Variants in CFDP1 observed in about 807,000 individuals in gnomAD.
CFDP1 encodes the protein chromatin remodeling protein CFDP1.
A neutral mutation model predicts 40.1 loss-of-function variants in CFDP1; 31 were observed. The observed-to-expected ratio is 0.77, with a 90% CI of 0.58 to 1.04. The LOEUF (loss-of-function observed/expected upper bound fraction) is 1.04. CFDP1 is among the 50% of genes least tolerant of loss of function. CFDP1 has a pLI of 0.00. For synonymous variants in CFDP1, 167 were observed against 120.0 expected (o/e 1.39, Z -2.56); for missense variants, 423 against 343.4 (o/e 1.23, Z -1.83).
intron 1 of CFDP1, among the ~76,000 whole-genome samples, chr16:75,428,244 T>A (rs2151604947): frequency 6.6e-6 from 1 of 152,126 alleles, no homozygotes; most frequent in South Asian, 2.1e-4. Flanking sequence ...AAACAGTAAA[T>A]TTTATTGTAT....
At chr16:75,330,743 A>G (rs2078439983) in intron 5 of CFDP1, among the ~76,000 whole-genome samples, 1 of 152,212 alleles carries the variant, frequency 6.6e-6, no homozygotes, top group South Asian at 2.1e-4. Context: ...AGCTATGCAG[A>G]ATCATATTTA....
At chr16:75,348,577 C>CT (rs1275732726) in intron 5 of CFDP1, among the ~76,000 whole-genome samples, 1 of 151,732 alleles carries the variant, frequency 6.6e-6, no homozygotes, top group African/African-American at 2.4e-5. Flanking sequence ...TTGTTTTTTT[C>CT]TTTTTTGGCT....
intron 1 of CFDP1, among the ~76,000 whole-genome samples, chr16:75,423,492 G>C (rs912913459): frequency 2.6e-5 from 4 of 151,924 alleles, no homozygotes; most frequent in African/African-American, 9.7e-5. Context: ...GTAGAGACTG[G>C]GTTTCACCAC....
chr16:75,302,645 A>G (rs2078228783), intron 6 of CFDP1, among the ~76,000 whole-genome samples: 1 of 152,238 alleles, frequency 6.6e-6, no homozygotes, highest in Non-Finnish European at 1.5e-5. Flanking sequence ...TGTGTAGCAC[A>G]CGCTGATAGT....
At chr16:75,338,148 C>T (rs886804279) in intron 5 of CFDP1, among the ~76,000 whole-genome samples, 4 of 152,128 alleles carry the variant, frequency 2.6e-5, no homozygotes, top group Non-Finnish European at 5.9e-5. Flanking sequence ...AACTCAATGG[C>T]AAATCCAGGA....
intron 5 of CFDP1, among the ~76,000 whole-genome samples, chr16:75,359,280 G>A (rs1319441090): frequency 1.3e-5 from 2 of 152,080 alleles, no homozygotes; most frequent in African/African-American, 4.8e-5. Context: ...TAATTTTGAA[G>A]AGCGTAAAGA....
At chr16:75,323,433 C>CT (rs398058379) in intron 5 of CFDP1, among the ~76,000 whole-genome samples, 11,662 of 142,098 alleles carry the variant, frequency 0.082, 464 homozygotes, top group Middle Eastern at 0.14. Flanking sequence ...TTTTACTTAA[C>CT]TTTTTTTTTT....
chr16:75,415,888 T>C (rs149443253), intron 1 of CFDP1, among the ~76,000 whole-genome samples: 80 of 152,314 alleles, frequency 5.3e-4, no homozygotes, highest in African/African-American at 1.9e-3. Flanking sequence ...AGTCTTGCTC[T>C]GTCACCCAGG....
chr16:75,359,639 C>T (rs1379356318), intron 5 of CFDP1, among the ~76,000 whole-genome samples: 2 of 152,200 alleles, frequency 1.3e-5, no homozygotes, highest in Non-Finnish European at 2.9e-5. Context: ...ATTGCCCTAA[C>T]CATGATCACC....
chr16:75,315,061 T>C (rs2078315825), intron 5 of CFDP1, among the ~76,000 whole-genome samples: 1 of 151,950 alleles, frequency 6.6e-6, no homozygotes, highest in African/African-American at 2.4e-5. Flanking sequence ...CAGGAAAATA[T>C]TATTAAAGGA....
intron 5 of CFDP1, among the ~76,000 whole-genome samples, chr16:75,328,132 A>C (rs1175678576): frequency 1.3e-5 from 2 of 148,962 alleles, no homozygotes; most frequent in Admixed American, 1.3e-4. Context: ...CTAAAACAGG[A>C]ATTGGTACTT....
At chr16:75,409,801 G>A (rs2079140446) in intron 4 of CFDP1, among the ~76,000 whole-genome samples, 1 of 152,086 alleles carries the variant, frequency 6.6e-6, no homozygotes, top group Non-Finnish European at 1.5e-5. Flanking sequence ...GGTGAATCTG[G>A]ATCATAGGTA....
intron 4 of CFDP1, among the ~76,000 whole-genome samples, chr16:75,410,567 T>C (rs918689188): frequency 5.2e-5 from 7 of 135,668 alleles, no homozygotes; most frequent in Non-Finnish European, 8.0e-5. Context: ...AGGTCAGGAG[T>C]TCAAGACCAG....
At chr16:75,423,280 CAAAA>C (rs34137868) in intron 1 of CFDP1, among the ~76,000 whole-genome samples, 2 of 109,302 alleles carry the variant, frequency 1.8e-5, no homozygotes, top group Non-Finnish European at 3.7e-5. Flanking sequence ...GACTCCGTCT[CAAAA>C]AAAAAAAAAA....
chr16:75,425,168 G>A (rs776296678), intron 1 of CFDP1, among the ~76,000 whole-genome samples: 1 of 152,056 alleles, frequency 6.6e-6, no homozygotes, highest in East Asian at 1.9e-4. Flanking sequence ...CAGATTCAAT[G>A]CAATTCCAAA....
At chr16:75,309,463 G>T (rs2151502611) in intron 5 of CFDP1, among the ~76,000 whole-genome samples, 1 of 152,048 alleles carries the variant, frequency 6.6e-6, no homozygotes, top group Middle Eastern at 3.4e-3. Context: ...GCATCTGGCA[G>T]CTGTGTATAT....
At chr16:75,301,224 T>C (rs1305226931) in intron 6 of CFDP1, among the ~76,000 whole-genome samples, 2 of 152,184 alleles carry the variant, frequency 1.3e-5, no homozygotes, top group African/African-American at 4.8e-5. Flanking sequence ...GTGTCTACTT[T>C]ATATATGAAG....
chr16:75,402,584 A>C (rs1279445531), intron 4 of CFDP1, among the ~76,000 whole-genome samples: 1 of 152,190 alleles, frequency 6.6e-6, no homozygotes, highest in Non-Finnish European at 1.5e-5. Context: ...ACTACCTTAC[A>C]CTTAGACCTA....
chr16:75,297,300 G>A (rs758487554), intron 6 of CFDP1, among the ~76,000 whole-genome samples: 3 of 152,190 alleles, frequency 2.0e-5, no homozygotes, highest in Non-Finnish European at 2.9e-5. Context: ...GATTACAGGC[G>A]TGAGCCACTC....
Sources: gnomAD v4.1 joint callset for allele counts (sites outside exome capture counted in the v4.1 genomes callset) on GRCh38, gnomAD v4.1.1 for gene constraint, MANE v1.5 for transcripts, NCBI Gene and HGNC (gene_info 2026-07-23, HGNC 2026-07-21) for gene names.